SLF1: variants seen among roughly 807,000 people sequenced by gnomAD.
SLF1 encodes the protein SMC5/6 complex localization factor 1.
SLF1 carries 105 observed loss-of-function variants against 123.0 expected under a neutral mutation model. The ratio of observed to expected loss-of-function variants is 0.85; its 90% CI spans 0.73 to 1.00. The LOEUF (loss-of-function observed/expected upper bound fraction) is 1.00, where lower values mean the gene tolerates loss of function less well. SLF1 is among the 50% of genes least tolerant of loss of function. The pLI, the probability that SLF1 is intolerant of heterozygous loss-of-function variation, is 0.00. For missense variants in SLF1, 1,239 were observed against 1,223.0 expected (o/e 1.01, Z -0.20); for synonymous variants, 434 against 406.6 (o/e 1.07, Z -0.81).
intron 1 of SLF1, among the ~76,000 whole-genome samples, chr5:94,622,652 TAAG>T (rs1404985046): frequency 6.6e-6 from 1 of 152,162 alleles, no homozygotes; most frequent in African/African-American, 2.4e-5. Flanking sequence ...TTTTCTATAA[TAAG>T]TGCATGTTAA....
intron 9 of SLF1, 145 bp downstream of exon 9, chr5:94,654,897 T>G (rs764628310): frequency 1.0e-5 from 6 of 575,028 alleles, no homozygotes; most frequent in Non-Finnish European, 1.5e-5. Context: ...ATTAGTCTAT[T>G]ATACAGTAAT....
chr5:94,673,579 A>G (rs1373679418), intron 14 of SLF1, among the ~76,000 whole-genome samples: 2 of 151,748 alleles, frequency 1.3e-5, no homozygotes, highest in Non-Finnish European at 2.9e-5. Context: ...AGTTTTAACT[A>G]CTTGAGAGGC....
chr5:94,688,509 T>C lies in SLF1; in HGVS notation c.2125T>C (p.Tyr709His), dbSNP rs1305085208. The change falls in exon 17 of 21, where the codon TAT (tyrosine) becomes CAT (histidine). Residue 709 changes from tyrosine (Y) to histidine (H), a missense_variant. Coordinates refer to ENST00000265140, the MANE Select transcript of SLF1 (RefSeq NM_032290.4). ...SEPLSLQKMVYSYLPALGKTG... is the reference protein window; with the variant it reads ...SEPLSLQKMVHSYLPALGKTG... ...ATGCAATATTATTTTTCAACAGGTATATTCCTATTTACCAGCCTTGGGGAA... is the reference window on the plus strand; with the variant it reads ...ATGCAATATTATTTTTCAACAGGTACATTCCTATTTACCAGCCTTGGGGAA... 1.7e-5 allele frequency: 27 copies of C among 1,613,712 alleles called. No homozygotes were observed. The highest frequency in any genetic ancestry group is 1.6e-4 in the Middle Eastern group (1 of 6,082).
At chr5:94,692,403 C>G (rs1367068959) in intron 20 of SLF1, 147 bp downstream of exon 20, 1 of 778,304 alleles carries the variant, frequency 1.3e-6, no homozygotes, top group African/African-American at 1.8e-5. Flanking sequence ...AAAAAGTCTC[C>G]TAAAACGTAA....
At chr5:94,688,441 C>G in intron 16 of SLF1, 65 bp from the exon 17 acceptor site, 1 of 1,496,348 alleles carries the variant, frequency 6.7e-7, no homozygotes, top group Non-Finnish European at 9.2e-7. Flanking sequence ...TGAAATGAAT[C>G]AAATAATTTC....
chr5:94,629,271 G>T (rs970599899), intron 3 of SLF1, 104 bp downstream of exon 3: 3 of 760,776 alleles, frequency 3.9e-6, no homozygotes, highest in South Asian at 3.5e-5. Flanking sequence ...AAACCTAAAT[G>T]TGTTTTTCTG....
At chr5:94,652,718 C>T (rs149670551) in intron 7 of SLF1, among the ~76,000 whole-genome samples, 237 of 152,186 alleles carry the variant, frequency 1.6e-3, no homozygotes, top group African/African-American at 5.4e-3. Flanking sequence ...TTGGTATATT[C>T]CTAGGAATGG....
In SLF1 at chr5:94,651,806, A is replaced by G. The variant is rs1395965576; in HGVS notation, c.843A>G (p.Lys281=). 1.9e-5 allele frequency: 29 copies of G among 1,501,772 alleles called. No homozygotes were observed. In the Admixed American group the frequency reaches 6.1e-4, roughly 31 times the overall value. 93.0% of individuals were successfully genotyped at this position (1,501,772 alleles called of 1,614,324 possible). ...SGSSKDLKFV[K]MRNTFGSHTY... is the part of the protein sequence containing the mutation. ...CCAGTAAAGATTTGAAATTTGTTAA[A>G]ATGAGAAATACCTTTGGAAGCCATA... Residue 281 remains lysine, a synonymous_variant, in exon 7 of 21, where the codon AAA becomes AAG. Coordinates refer to ENST00000265140, the MANE Select transcript of SLF1 (RefSeq NM_032290.4).
intron 1 of SLF1, among the ~76,000 whole-genome samples, chr5:94,621,741 G>T (rs372077034): frequency 2.6e-5 from 4 of 151,906 alleles, no homozygotes; most frequent in South Asian, 4.2e-4. Flanking sequence ...ATTCACTTTG[G>T]GGCTTGTTCT....
rs527967733 is a variant in SLF1, at chr5:94,695,458, A to T, written c.*146A>T. The T allele has an allele frequency of 2.1e-3, 2,170 of 1,039,030 alleles. 5 individuals carry two copies. Among genetic ancestry groups the T allele is most frequent in the Non-Finnish European group, 2.4e-3 (1,849 of 769,922 alleles). The allele number at this position is 1,039,030 out of a possible 1,614,324, so 64.4% of individuals were successfully genotyped here. A position where few individuals can be genotyped will look rare whatever the true frequency, so the allele number is the denominator to read the frequency against. ...CTTGCTAAATTTTAAAAGCATTTTT[A>T]AAAAAACTTCTACAAAACTCTAGTA... is the stretch of plus-strand genomic sequence containing the variant. On this transcript the variant is annotated 3_prime_UTR_variant, in exon 21 of 21. Coordinates refer to ENST00000265140, the MANE Select transcript of SLF1 (RefSeq NM_032290.4).
chr5:94,637,145 T>C (rs1745905613), intron 4 of SLF1, among the ~76,000 whole-genome samples: 1 of 152,192 alleles, frequency 6.6e-6, no homozygotes, highest in South Asian at 2.1e-4. Context: ...TTGTAATCTT[T>C]GAGTTTTTGC....
intron 5 of SLF1, among the ~76,000 whole-genome samples, chr5:94,648,957 G>A (rs1231970853): frequency 6.6e-6 from 1 of 152,190 alleles, no homozygotes; most frequent in Non-Finnish European, 1.5e-5. Flanking sequence ...AAATTTTGTT[G>A]TTTGAGATAG....
At chr5:94,626,203 A>C (rs1167754333) in intron 1 of SLF1, among the ~76,000 whole-genome samples, 5 of 151,128 alleles carry the variant, frequency 3.3e-5, no homozygotes, top group Admixed American at 3.3e-4. Flanking sequence ...CACTGAGCCG[A>C]GATCACGCCA....
At chr5:94,663,356 T>A (rs922124160) in intron 10 of SLF1, among the ~76,000 whole-genome samples, 7 of 152,208 alleles carry the variant, frequency 4.6e-5, no homozygotes, top group African/African-American at 1.7e-4. Flanking sequence ...TTAAAATTTG[T>A]TACTAGGCTG....
intron 12 of SLF1, among the ~76,000 whole-genome samples, 177 bp from the exon 13 acceptor site, chr5:94,669,974 A>G (rs1056979965): frequency 6.6e-6 from 1 of 152,004 alleles, no homozygotes; most frequent in Non-Finnish European, 1.5e-5. Flanking sequence ...CTCATGAGAT[A>G]TTTGACATTG....
Position 94,695,191 on chromosome 5 carries a change from A to G in SLF1, c.3056A>G (p.Gln1019Arg). The change falls in exon 21 of 21, where the codon CAG becomes CGG. Residue 1019 changes from glutamine (Q) to arginine (R), a missense_variant. Physicochemically the swap from Gln to Arg is conservative, Grantham distance 43 (BLOSUM62 1). Coordinates refer to ENST00000265140, the MANE Select transcript of SLF1 (RefSeq NM_032290.4). The part of the protein sequence containing the change: ...DLYAGNIKTL[Q>R]KLPHILKELP... ...TATGCTGGAAATATAAAGACATTGCAGAAACTCCCACACATTCTTAAGGAA... is the reference window on the plus strand; with the variant it reads ...TATGCTGGAAATATAAAGACATTGCGGAAACTCCCACACATTCTTAAGGAA... 6.2e-7 allele frequency: 1 copy of G among 1,612,850 alleles called. No individual in the cohort carries two copies. Among genetic ancestry groups the G allele is most frequent in the Non-Finnish European group, 8.5e-7 (1 of 1,179,088 alleles).
intron 7 of SLF1, 55 bp from the exon 8 acceptor site, chr5:94,653,217 T>A: frequency 7.1e-7 from 1 of 1,417,060 alleles, no homozygotes; most frequent in Non-Finnish European, 9.4e-7. Flanking sequence ...TTTATTTGGA[T>A]TTTGTAACAT....
intron 1 of SLF1, among the ~76,000 whole-genome samples, chr5:94,627,619 T>TATATATAC (rs1261627669): frequency 4.4e-5 from 6 of 136,960 alleles, no homozygotes; most frequent in African/African-American, 1.6e-4. Flanking sequence ...TATATATATA[T>TATATATAC]AGCAAAGTTA....
intron 1 of SLF1, among the ~76,000 whole-genome samples, chr5:94,626,252 CAAAAAAA>C (rs563542719): frequency 1.7e-5 from 1 of 58,388 alleles, no homozygotes; most frequent in Non-Finnish European, 3.6e-5. Context: ...GACTCCATCT[CAAAAAAA>C]AAAAAAAAAA....
Sources: gnomAD v4.1 joint callset for allele counts (sites outside exome capture counted in the v4.1 genomes callset) on GRCh38, gnomAD v4.1.1 for gene constraint, MANE v1.5 for transcripts, NCBI Gene and HGNC (gene_info 2026-07-23, HGNC 2026-07-21) for gene names.